The following EYA1 variants were observed in gnomAD, a reference collection of about 807,000 sequenced individuals.
The protein encoded by EYA1 is EYA transcriptional coactivator and phosphatase 1.
Under a neutral mutation model 82.0 loss-of-function variants are expected in EYA1, and 16 were observed. That is an observed-to-expected ratio of 0.20 (90% confidence interval 0.13 to 0.30). The LOEUF is 0.30. EYA1 is among the 10% of genes least tolerant of loss of function. The pLI is 1.00. For missense variants in EYA1, 633 were observed against 730.7 expected (o/e 0.87, Z 1.54); for synonymous variants, 261 against 264.4 (o/e 0.99, Z 0.12).
At position 71,210,538 on chromosome 8, in the gene EYA1, T is replaced by G. The variant is rs555960632; in HGVS notation, c.1698+618A>C. 2.0e-5 allele frequency among the ~76,000 whole-genome samples: 3 copies of G among 152,054 alleles called. No individual in the cohort carries two copies. In the East Asian group the frequency reaches 5.8e-4, roughly 29 times the overall value. On this transcript the variant is annotated intron_variant, in intron 17 of 17. Transcript: ENST00000340726. ...CAATGAGAGGCCCAATGAGAAAGCT[T>G]TTGCTCAGAGAAATGATAGAATTAC...
chr8:71,322,706 AG>A (rs1328281096), intron 4 of EYA1, among the ~76,000 whole-genome samples: 2 of 152,196 alleles, frequency 1.3e-5, no homozygotes, highest in African/African-American at 4.8e-5. Flanking sequence ...CACAAACCTG[AG>A]GCTGTATTAC....
At chr8:71,281,356 C>T (rs1039705404) in intron 9 of EYA1, among the ~76,000 whole-genome samples, 2 of 152,222 alleles carry the variant, frequency 1.3e-5, no homozygotes, top group African/African-American at 2.4e-5. Context: ...CCTTTCTCCT[C>T]CTACAGCAGG....
chr8:71,223,422 G>A (rs963756492), intron 12 of EYA1, among the ~76,000 whole-genome samples: 5 of 152,146 alleles, frequency 3.3e-5, no homozygotes, highest in Non-Finnish European at 7.3e-5. Context: ...GTGCTTCACA[G>A]AGGAGTAAAA....
intron 2 of EYA1, among the ~76,000 whole-genome samples, chr8:71,395,591 C>T (rs1829549771): frequency 6.6e-6 from 1 of 152,060 alleles, no homozygotes; most frequent in Non-Finnish European, 1.5e-5. Context: ...TGCTGGATTA[C>T]ATTTCTTGAT....
rs1825946665 is a variant in EYA1 at position 71,348,183 on chromosome 8, G to C, written c.124+6599C>G. Among the ~76,000 whole-genome samples, 3 of 152,050 alleles carry C rather than the reference G, an allele frequency of 2.0e-5. 1 individual carries two copies. In the South Asian group the frequency reaches 6.2e-4, roughly 32 times the overall value. On this transcript the variant is annotated intron_variant, in intron 3 of 17. Transcript: ENST00000340726. ...AAAGAGAGGAGAATGAATTACTCTTGACCCTTACTCCAAGTTAGCAAGGTG... is the reference window on the plus strand; with the variant it reads ...AAAGAGAGGAGAATGAATTACTCTTCACCCTTACTCCAAGTTAGCAAGGTG...
chr8:71,542,646 TCC>T (rs1215441165), intron 1 of EYA1, among the ~76,000 whole-genome samples: 3 of 152,228 alleles, frequency 2.0e-5, no homozygotes, highest in Non-Finnish European at 2.9e-5. Flanking sequence ...CACACTGTCT[TCC>T]ACAATGGTTG....
chr8:71,503,365 C>A (rs1301445733), intron 2 of EYA1, among the ~76,000 whole-genome samples: 3 of 151,718 alleles, frequency 2.0e-5, no homozygotes, highest in African/African-American at 4.8e-5. Flanking sequence ...CCCAGTTACT[C>A]GGGAGGCTGA....
intron 2 of EYA1, among the ~76,000 whole-genome samples, chr8:71,419,794 T>G: frequency 6.6e-6 from 1 of 152,226 alleles, no homozygotes; most frequent in Middle Eastern, 3.4e-3. Flanking sequence ...AAGCTATATT[T>G]TATGTATTTG....
At chr8:71,430,850 G>A (rs969724676) in intron 2 of EYA1, among the ~76,000 whole-genome samples, 1 of 151,528 alleles carries the variant, frequency 6.6e-6, no homozygotes, top group Non-Finnish European at 1.5e-5. Context: ...GAGAAGATAA[G>A]GGGCAACTGA....
rs554974620 is a variant in EYA1, at chr8:71,457,682, G to A, written c.33+78062C>T. On this transcript the variant is annotated intron_variant, in intron 2 of 18. Coordinates refer to the EYA1 transcript ENST00000643681. Reference sequence around the variant, plus strand: ...AAGGACAAAAAACCAAACACCGCATGTTCTCACTCATAGGTGGGAATTGAA... The same window carrying A: ...AAGGACAAAAAACCAAACACCGCATATTCTCACTCATAGGTGGGAATTGAA... Among the ~76,000 whole-genome samples, 14 of 152,248 alleles carry A rather than the reference G, an allele frequency of 9.2e-5. No individual in the cohort carries two copies. The South Asian group carries it at 1.2e-3, about 14-fold the overall frequency.
At chr8:71,395,654 G>C (rs1454309528) in intron 2 of EYA1, among the ~76,000 whole-genome samples, 6 of 152,092 alleles carry the variant, frequency 3.9e-5, no homozygotes, top group Admixed American at 3.9e-4. Context: ...ATTTGATCAC[G>C]GTGGATAAGC....
intron 2 of EYA1, chr8:71,448,947 T>C (rs559764131): frequency 6.0e-6 from 1 of 165,434 alleles, no homozygotes; most frequent in East Asian, 1.9e-4. Context: ...AGTTCTTTAT[T>C]CTATCTTCTT....
chr8:71,493,440 G>A (rs972439119), intron 2 of EYA1, among the ~76,000 whole-genome samples: 1 of 152,132 alleles, frequency 6.6e-6, no homozygotes, highest in Non-Finnish European at 1.5e-5. Context: ...TAATACAATA[G>A]CCATTTGTAT....
At chr8:71,432,557 T>C (rs1003193695) in intron 2 of EYA1, among the ~76,000 whole-genome samples, 23 of 152,320 alleles carry the variant, frequency 1.5e-4, no homozygotes, top group East Asian at 5.8e-4. Context: ...ATGGTCGCCT[T>C]CCCCATGTCC....
intron 10 of EYA1, among the ~76,000 whole-genome samples, chr8:71,271,527 G>T (rs867737127): frequency 1.3e-5 from 2 of 151,868 alleles, no homozygotes; most frequent in African/African-American, 4.8e-5. Context: ...TCTTTAGAGA[G>T]AAACAGACCC....
intron 7 of EYA1, among the ~76,000 whole-genome samples, chr8:71,309,949 A>G (rs189009014): frequency 6.6e-6 from 1 of 152,188 alleles, no homozygotes; most frequent in African/African-American, 2.4e-5. Flanking sequence ...TCTAAGTGAG[A>G]GCAATAAAAC....
At chr8:71,297,698 A>AT (rs1819741589) in intron 9 of EYA1, among the ~76,000 whole-genome samples, 1 of 152,158 alleles carries the variant, frequency 6.6e-6, no homozygotes, top group Non-Finnish European at 1.5e-5. Context: ...AGAAAGTTCT[A>AT]TAAGAACTCC....
chr8:71,313,928 C>T (rs1259699295), intron 7 of EYA1, among the ~76,000 whole-genome samples: 1 of 152,178 alleles, frequency 6.6e-6, no homozygotes, highest in East Asian at 1.9e-4. Flanking sequence ...AATAGTTCTT[C>T]TATCATTGTA....
At chr8:71,510,034 ATTAT>A (rs1361336876) in intron 2 of EYA1, among the ~76,000 whole-genome samples, 5 of 150,598 alleles carry the variant, frequency 3.3e-5, no homozygotes, top group East Asian at 1.9e-4. Context: ...CACACTATAT[ATTAT>A]TTATTATTTT....
Sources: allele counts gnomAD v4.1 joint callset (sites outside exome capture counted in the v4.1 genomes callset), GRCh38; gene constraint gnomAD v4.1.1; transcripts MANE v1.5; gene names NCBI Gene and HGNC (gene_info 2026-07-23, HGNC 2026-07-21).